Variants in CCDC148 observed in about 807,000 individuals in gnomAD.
CCDC148 encodes the protein coiled-coil domain-containing protein 148.
In CCDC148, 89 loss-of-function variants were observed where a neutral mutation model predicts 85.7. The ratio of observed to expected loss-of-function variants is 1.04; its 90% CI spans 0.87 to 1.24. The LOEUF (loss-of-function observed/expected upper bound fraction) is 1.24. CCDC148 is among the 50% of genes most tolerant of loss of function. The probability of loss-of-function intolerance (pLI) is 0.00; values close to 1 mark genes in which losing one functional copy is unlikely to be tolerated. For missense variants in CCDC148, 692 were observed against 671.7 expected, an observed-to-expected ratio of 1.03 and a Z score of -0.33; for synonymous variants, 230 against 213.9, an observed-to-expected ratio of 1.08 and a Z score of -0.66.
intron 11 of CCDC148, among the ~76,000 whole-genome samples, chr2:158,203,196 C>T (rs1686057773): frequency 1.3e-5 from 2 of 152,148 alleles, no homozygotes; most frequent in South Asian, 4.1e-4. Context: ...GCCACCTTAC[C>T]CACTGTCTGT....
intron 10 of CCDC148, among the ~76,000 whole-genome samples, chr2:158,234,277 G>A (rs1018063807): frequency 2.6e-5 from 4 of 152,016 alleles, no homozygotes; most frequent in East Asian, 1.9e-4. Context: ...TTAATCCTTC[G>A]TTTTCAAAAT....
Position 158,176,795 on chromosome 2 carries a change from A to C in CCDC148, c.1489-134T>G, listed in dbSNP as rs535095784. On this transcript the variant is annotated intron_variant, in intron 12 of 13. Transcript: ENST00000283233. ...AAAGCCTGAGAGGAAAGGGCAGAAG[A>C]AATATTAATTGGTCAGTCCTAGAGA... 7 of 970,784 alleles carry C rather than the reference A, an allele frequency of 7.2e-6. No homozygotes were observed. The African/African-American group carries it at 1.0e-4, about 14-fold the overall frequency. The allele number at this position is 970,784 out of a possible 1,614,324, so 60.1% of individuals were successfully genotyped here.
chr2:158,267,600 A>C (rs1163937261), intron 9 of CCDC148, among the ~76,000 whole-genome samples: 1 of 152,218 alleles, frequency 6.6e-6, no homozygotes, highest in East Asian at 1.9e-4. Flanking sequence ...ACAGGAGATA[A>C]GTAACTATGT....
chr2:158,284,255 C>G (rs1034173454), intron 9 of CCDC148, among the ~76,000 whole-genome samples: 6 of 151,300 alleles, frequency 4.0e-5, no homozygotes, highest in African/African-American at 1.5e-4. Context: ...TGCACATGTA[C>G]CCTAAAACTT....
At chr2:158,308,642 T>C (rs376675433) in intron 9 of CCDC148, among the ~76,000 whole-genome samples, 2 of 152,216 alleles carry the variant, frequency 1.3e-5, no homozygotes, top group African/African-American at 2.4e-5. Flanking sequence ...AACTTAAGAT[T>C]TGTGCACTTC....
At chr2:158,390,132 C>T (rs1685244905) in intron 1 of CCDC148, among the ~76,000 whole-genome samples, 1 of 152,124 alleles carries the variant, frequency 6.6e-6, no homozygotes, top group Admixed American at 6.6e-5. Context: ...GCCTTTTGTC[C>T]TTTAGTGAAA....
chr2:158,281,460 ACAGAAATACAAACTACCAT>A (rs1463154248), intron 9 of CCDC148, among the ~76,000 whole-genome samples: 1 of 152,168 alleles, frequency 6.6e-6, no homozygotes, highest in African/African-American at 2.4e-5. Context: ...CACCGATCCC[ACAGAAATACAAACTACCAT>A]CAGAGAGTAG....
At chr2:158,443,501 CAAAAAAAAAAAA>C (rs1226963790) in intron 1 of CCDC148, among the ~76,000 whole-genome samples, 1 of 59,334 alleles carries the variant, frequency 1.7e-5, no homozygotes, top group Non-Finnish European at 3.5e-5. Context: ...AAGTCTATCT[CAAAAAAAAAAAA>C]AAAAAAAAAA....
chr2:158,393,019 A>C (rs1685378478), intron 1 of CCDC148, among the ~76,000 whole-genome samples: 1 of 152,136 alleles, frequency 6.6e-6, no homozygotes, highest in Non-Finnish European at 1.5e-5. Flanking sequence ...GAATATATTT[A>C]AGATACTTGT....
chr2:158,219,963 T>G (rs1687087256), intron 11 of CCDC148, among the ~76,000 whole-genome samples: 1 of 152,218 alleles, frequency 6.6e-6, no homozygotes, highest in Non-Finnish European at 1.5e-5. Flanking sequence ...TCTATTAAAC[T>G]TACCCTGTTC....
At chr2:158,282,416 C>G (rs1319152808) in intron 9 of CCDC148, among the ~76,000 whole-genome samples, 2 of 152,170 alleles carry the variant, frequency 1.3e-5, no homozygotes, top group African/African-American at 4.8e-5. Flanking sequence ...AGCTGATAAG[C>G]AACTTCAGCA....
At chr2:158,443,515 A>AAAAAAAAAGAAAAGAAAAAAAAGAAAAG (rs1553524472) in intron 1 of CCDC148, among the ~76,000 whole-genome samples, 8 of 100,892 alleles carry the variant, frequency 7.9e-5, no homozygotes, top group Admixed American at 7.4e-4. Flanking sequence ...AAAAAAAAAA[A>AAAAAAAAAGAAAAGAAAAAAAAGAAAAG]AAAAAAAAGA....
chr2:158,429,163 CA>C (rs755920602), intron 1 of CCDC148, among the ~76,000 whole-genome samples: 154 of 152,074 alleles, frequency 1.0e-3, no homozygotes, highest in Non-Finnish European at 4.3e-4. Flanking sequence ...GGAGGGATAG[CA>C]TTAGGAGATA....
intron 1 of CCDC148, among the ~76,000 whole-genome samples, chr2:158,449,925 G>A (rs761999583): frequency 2.0e-5 from 3 of 151,850 alleles, no homozygotes; most frequent in Non-Finnish European, 4.4e-5. Flanking sequence ...AGTATGTTGA[G>A]CATTTTACCG....
intron 1 of CCDC148, among the ~76,000 whole-genome samples, chr2:158,423,187 A>G (rs1574794169): frequency 6.6e-6 from 1 of 152,278 alleles, no homozygotes; most frequent in East Asian, 1.9e-4. Flanking sequence ...TGCCATCCCC[A>G]TCAAGCTACC....
At chr2:158,325,929 C>A (rs369586098) in intron 7 of CCDC148, among the ~76,000 whole-genome samples, 4 of 152,106 alleles carry the variant, frequency 2.6e-5, no homozygotes, top group Admixed American at 2.0e-4. Context: ...TGCACTTCTA[C>A]CCCCCAGCCC....
chr2:158,452,871 C>A (rs905877962), intron 1 of CCDC148, among the ~76,000 whole-genome samples: 4 of 152,138 alleles, frequency 2.6e-5, no homozygotes, highest in African/African-American at 9.7e-5. Context: ...AATCTCATGA[C>A]CCCACTGTTT....
At chr2:158,225,443 C>T (rs1193548666) in intron 10 of CCDC148, among the ~76,000 whole-genome samples, 1 of 152,100 alleles carries the variant, frequency 6.6e-6, no homozygotes, top group South Asian at 2.1e-4. Context: ...CTCAGCTCTG[C>T]ACCAAGCAGA....
At position 158,340,601 on chromosome 2, in the gene CCDC148, A is replaced by T; in HGVS notation, c.331T>A (p.Phe111Ile). Residue 111 changes from phenylalanine (F) to isoleucine (I), a missense_variant, in exon 4 of 14, where the codon TTT (phenylalanine) becomes ATT (isoleucine). Transcript: ENST00000283233. ...TATAGGATCAAAAAAATCTTACCAA[A>T]ATTTGTAAGGTCACAAAGACATTCA... is the stretch of plus-strand genomic sequence containing the variant. ...GNECLCDLTN[F>I]EQELSEQQCT... 6.3e-7 allele frequency: 1 copy of T among 1,577,318 alleles called. No individual in the cohort carries two copies. The highest frequency in any genetic ancestry group is 8.6e-7 in the Non-Finnish European group (1 of 1,160,726).
Sources: gnomAD v4.1 joint callset for allele counts (sites outside exome capture counted in the v4.1 genomes callset) on GRCh38, gnomAD v4.1.1 for gene constraint, MANE v1.5 for transcripts, NCBI Gene and HGNC (gene_info 2026-07-23, HGNC 2026-07-21) for gene names.